Variants in TPD52 observed in about 807,000 individuals in gnomAD.
The protein encoded by TPD52 is tumor protein D52.
TPD52 carries 17 observed loss-of-function variants against 31.3 expected under a neutral mutation model. The observed-to-expected ratio is 0.54, with a 90% CI of 0.37 to 0.82. TPD52 has a LOEUF of 0.82. TPD52 is among the 40% of genes least tolerant of loss of function. The pLI, the probability that TPD52 is intolerant of heterozygous loss-of-function variation, is 0.00. For missense variants in TPD52, 212 were observed against 240.1 expected (o/e 0.88, Z 0.77); for synonymous variants, 83 against 89.6 (o/e 0.93, Z 0.42).
intron 1 of TPD52, among the ~76,000 whole-genome samples, chr8:80,100,751 A>AG (rs1043654719): frequency 1.2e-4 from 18 of 152,236 alleles, no homozygotes; most frequent in Non-Finnish European, 1.5e-5. Context: ...CAAAGGCAGG[A>AG]GAAGACCAAT....
chr8:80,110,329 C>T (rs949366779), intron 1 of TPD52, among the ~76,000 whole-genome samples: 21 of 152,052 alleles, frequency 1.4e-4, no homozygotes, highest in African/African-American at 4.3e-4. Flanking sequence ...CAACAGCATA[C>T]CAGATTGTCT....
chr8:80,121,610 A>C (rs1808263747), intron 1 of TPD52, among the ~76,000 whole-genome samples: 1 of 152,240 alleles, frequency 6.6e-6, no homozygotes, highest in African/African-American at 2.4e-5. Flanking sequence ...AAAATCTAAT[A>C]TAATTACCTC....
At chr8:80,097,702 C>A (rs1038242532) in intron 1 of TPD52, among the ~76,000 whole-genome samples, 12 of 152,194 alleles carry the variant, frequency 7.9e-5, no homozygotes, top group African/African-American at 2.9e-4. Flanking sequence ...TAAACCTTTT[C>A]TTTATAAATT....
intron 1 of TPD52, among the ~76,000 whole-genome samples, chr8:80,133,988 TA>T (rs1489248575): frequency 6.6e-6 from 1 of 152,158 alleles, no homozygotes; most frequent in Non-Finnish European, 1.5e-5. Flanking sequence ...CATCCAAATA[TA>T]GAAAATAACA....
chr8:80,063,066 A>C (rs1404267792), intron 2 of TPD52, among the ~76,000 whole-genome samples: 1 of 152,226 alleles, frequency 6.6e-6, no homozygotes, highest in Admixed American at 6.5e-5. Flanking sequence ...AAAAGAACTG[A>C]AACTAGGTAC....
chr8:80,051,311 A>G, intron 4 of TPD52: 2 of 550,452 alleles, frequency 3.6e-6, no homozygotes, highest in South Asian at 4.6e-5. Flanking sequence ...TTTTTCAACA[A>G]CCTTAAATGA....
chr8:80,155,802 GAAC>G (rs1471855534), intron 1 of TPD52, among the ~76,000 whole-genome samples: 4 of 151,608 alleles, frequency 2.6e-5, no homozygotes, highest in Non-Finnish European at 5.9e-5. Context: ...AGAATCGCTT[GAAC>G]CCGGGAGGCA....
intron 1 of TPD52, among the ~76,000 whole-genome samples, chr8:80,166,459 C>T (rs10104734): frequency 2.0e-5 from 3 of 151,496 alleles, no homozygotes; most frequent in Non-Finnish European, 2.9e-5. Context: ...CTCCAACTCC[C>T]GACCTCAGGT....
rs562487037 is a variant in TPD52, at chr8:80,120,139, G to A, written c.19+51286C>T. Among the ~76,000 whole-genome samples, 10 of 152,190 alleles carry A rather than the reference G, an allele frequency of 6.6e-5. No individual in the cohort carries two copies. The East Asian group carries it at 1.9e-3, about 29-fold the overall frequency. Reference sequence around the variant, plus strand: ...TACCTTGTACCATGTATATATATAAGGATTCAGTAGATGGTATCTAAGCAC... The same window carrying A: ...TACCTTGTACCATGTATATATATAAAGATTCAGTAGATGGTATCTAAGCAC... On this transcript the variant is annotated intron_variant, in intron 1 of 7. Coordinates refer to ENST00000518937, the MANE Select transcript of TPD52 (RefSeq NM_001025253.3).
chr8:80,064,946 G>C, intron 1 of TPD52: 2 of 427,404 alleles, frequency 4.7e-6, no homozygotes, highest in South Asian at 3.5e-5. Flanking sequence ...TAAATTAGAT[G>C]AAAGATTTTA....
At chr8:80,045,225 T>C (rs1043257944) in intron 5 of TPD52, among the ~76,000 whole-genome samples, 15 of 152,224 alleles carry the variant, frequency 9.9e-5, no homozygotes, top group Admixed American at 1.3e-4. Flanking sequence ...ATTCTTTTCC[T>C]ACTTTGGATC....
intron 1 of TPD52, among the ~76,000 whole-genome samples, chr8:80,143,896 T>G (rs1810010544): frequency 6.6e-6 from 1 of 152,220 alleles, no homozygotes; most frequent in African/African-American, 2.4e-5. Flanking sequence ...TTTATGTTCT[T>G]GTAATGTTCA....
chr8:80,169,176 G>C (rs1479319562), intron 1 of TPD52, among the ~76,000 whole-genome samples: 1 of 152,102 alleles, frequency 6.6e-6, no homozygotes, highest in Admixed American at 6.6e-5. Flanking sequence ...GTAGAGACAG[G>C]GTTCCACCTT....
chr8:80,147,192 T>C (rs1810253191), intron 1 of TPD52, among the ~76,000 whole-genome samples: 1 of 152,204 alleles, frequency 6.6e-6, no homozygotes, highest in Admixed American at 6.5e-5. Flanking sequence ...TCTTTATCTA[T>C]ACTCTTGTGT....
intron 1 of TPD52, among the ~76,000 whole-genome samples, chr8:80,079,485 C>T (rs1563607619): frequency 6.6e-6 from 1 of 152,166 alleles, no homozygotes; most frequent in Non-Finnish European, 1.5e-5. Context: ...TTCATGCTGT[C>T]ACCTTTACCA....
intron 1 of TPD52, among the ~76,000 whole-genome samples, chr8:80,075,436 C>T (rs1814428210): frequency 6.6e-6 from 1 of 152,108 alleles, no homozygotes. Flanking sequence ...ATGTCCCCAC[C>T]CAAGACAGAA....
intron 2 of TPD52, among the ~76,000 whole-genome samples, chr8:80,055,087 C>T (rs1255120242): frequency 6.6e-6 from 1 of 152,138 alleles, no homozygotes; most frequent in Non-Finnish European, 1.5e-5. Flanking sequence ...CTTAAGCTTC[C>T]CACTTCCTCT....
intron 1 of TPD52, among the ~76,000 whole-genome samples, chr8:80,098,960 T>A (rs1717007894): frequency 6.6e-6 from 1 of 152,216 alleles, no homozygotes; most frequent in East Asian, 1.9e-4. Context: ...CACTGAAGAC[T>A]CACTGACCGT....
intron 1 of TPD52, among the ~76,000 whole-genome samples, chr8:80,110,306 T>C (rs988656931): frequency 3.9e-5 from 6 of 152,218 alleles, no homozygotes; most frequent in South Asian, 2.1e-4. Flanking sequence ...CTTAAATGTA[T>C]ATTCAAAAAC....
Sources: allele counts gnomAD v4.1 joint callset (sites outside exome capture counted in the v4.1 genomes callset), GRCh38; gene constraint gnomAD v4.1.1; transcripts MANE v1.5; gene names NCBI Gene and HGNC (gene_info 2026-07-23, HGNC 2026-07-21).